The following MEGF10 variants were observed in gnomAD, a reference collection of about 807,000 sequenced individuals.
MEGF10 encodes the protein multiple EGF like domains 10, also known as multiple epidermal growth factor-like domains protein 10.
In MEGF10, 86 loss-of-function variants were observed where a neutral mutation model predicts 147.5. That is an observed-to-expected ratio of 0.58 (90% confidence interval 0.49 to 0.70). The LOEUF (loss-of-function observed/expected upper bound fraction) is 0.70. MEGF10 is among the 30% of genes least tolerant of loss of function. MEGF10 has a pLI of 0.00. For missense variants in MEGF10, 1,329 were observed against 1,487.3 expected (o/e 0.89, Z 1.75); for synonymous variants, 478 against 525.5 (o/e 0.91, Z 1.24).
chr5:127,363,575 T>C (rs918530401), intron 4 of MEGF10, among the ~76,000 whole-genome samples: 1 of 152,178 alleles, frequency 6.6e-6, no homozygotes, highest in East Asian at 1.9e-4. Context: ...GGACAATAAA[T>C]GTAGTTTATT....
At chr5:127,443,535 A>G (rs1765834410) in intron 19 of MEGF10, among the ~76,000 whole-genome samples, 1 of 152,186 alleles carries the variant, frequency 6.6e-6, no homozygotes. Flanking sequence ...CTATGAAACC[A>G]TCACCATAAT....
intron 24 of MEGF10, 116 bp downstream of exon 24, chr5:127,455,723 G>GTATTTTATTTTATATTATTTTATTT (rs1766339896): frequency 1.7e-5 from 13 of 767,890 alleles, no homozygotes; most frequent in Admixed American, 9.6e-5. Flanking sequence ...ATAATGGTCC[G>GTATTTTATTTTATATTATTTTATTT]TATTTTATTT....
At chr5:127,362,520 C>A (rs1253000511) in intron 4 of MEGF10, among the ~76,000 whole-genome samples, 2 of 151,874 alleles carry the variant, frequency 1.3e-5, no homozygotes, top group Non-Finnish European at 2.9e-5. Context: ...CCTGCCACCA[C>A]GCCCGGCTAA....
At chr5:127,299,252 A>G (rs966035699) in intron 1 of MEGF10, among the ~76,000 whole-genome samples, 2 of 152,230 alleles carry the variant, frequency 1.3e-5, no homozygotes, top group African/African-American at 4.8e-5. Context: ...ACTTCAGAGA[A>G]CAATTCTGTG....
intron 9 of MEGF10, among the ~76,000 whole-genome samples, chr5:127,416,588 C>T (rs1479987095): frequency 6.6e-6 from 1 of 152,130 alleles, no homozygotes; most frequent in Non-Finnish European, 1.5e-5. Flanking sequence ...CCTGTGAACA[C>T]TAAGGTGCAG....
intron 11 of MEGF10, 74 bp downstream of exon 11, chr5:127,419,314 T>A: frequency 6.5e-7 from 1 of 1,526,922 alleles, no homozygotes. Context: ...AAGAAAAACC[T>A]TAACCAGGGT....
Position 127,306,465 on chromosome 5 carries a change from A to G in MEGF10, c.-19+15409A>G, listed in dbSNP as rs57403012. On this transcript the variant is annotated intron_variant, in intron 1 of 24. Transcript: ENST00000503335. Reference sequence around the variant, plus strand: ...TCTGTGTCTAGGATTTGGATCCAGCATAAGTAAAACTCCAGGTAGAGCAAA... The same window carrying G: ...TCTGTGTCTAGGATTTGGATCCAGCGTAAGTAAAACTCCAGGTAGAGCAAA... Among the ~76,000 whole-genome samples the G allele has an allele frequency of 7.8e-3, 1,193 of 152,320 alleles. 19 individuals are homozygous for G. The highest frequency in any genetic ancestry group is 0.026 in the African/African-American group (1,060 of 41,566).
At chr5:127,274,765 A>C in the MEGF10 span, among the ~76,000 whole-genome samples, 1 of 152,072 alleles carries the variant, frequency 6.6e-6, no homozygotes, top group Non-Finnish European at 1.5e-5. Flanking sequence ...TATCTCTCTG[A>C]AATTTGTTTT....
intron 4 of MEGF10, among the ~76,000 whole-genome samples, chr5:127,350,861 C>T (rs1762059736): frequency 6.6e-6 from 1 of 152,046 alleles, no homozygotes; most frequent in Non-Finnish European, 1.5e-5. Flanking sequence ...TATTTTGACA[C>T]AGGCATACAA....
chr5:127,329,538 ATTTG>A (rs1476362847), intron 1 of MEGF10, among the ~76,000 whole-genome samples: 1 of 151,724 alleles, frequency 6.6e-6, no homozygotes, highest in Non-Finnish European at 1.5e-5. Flanking sequence ...ATTGTTGTTT[ATTTG>A]TTTATTTTAA....
the MEGF10 span, among the ~76,000 whole-genome samples, chr5:127,282,636 G>A: frequency 1.3e-5 from 2 of 152,154 alleles, no homozygotes; most frequent in African/African-American, 4.8e-5. Context: ...TACTTTTAAT[G>A]GCAAAACCTG....
chr5:127,436,123 T>C (rs1765546680), intron 16 of MEGF10, among the ~76,000 whole-genome samples: 1 of 152,234 alleles, frequency 6.6e-6, no homozygotes, highest in Non-Finnish European at 1.5e-5. Context: ...AAATAGCATA[T>C]GTATGGAGTA....
At chr5:127,438,881 G>T (rs562124834) in intron 17 of MEGF10, among the ~76,000 whole-genome samples, 9 of 152,296 alleles carry the variant, frequency 5.9e-5, no homozygotes, top group African/African-American at 1.4e-4. Flanking sequence ...CAGCACAAAA[G>T]TTAGGATAAG....
Position 127,400,959 on chromosome 5 carries a change from T to G in MEGF10, c.781-1587T>G, listed in dbSNP as rs116318877. On this transcript the variant is annotated intron_variant, in intron 7 of 24. Coordinates refer to ENST00000503335, the MANE Select transcript of MEGF10 (RefSeq NM_001256545.2). ...ATCCTAGGTGCTTTTCAAAGATGAA[T>G]ATATATTCCTATAGACACACATACC... 8.9e-3 allele frequency among the ~76,000 whole-genome samples: 1,353 copies of G among 152,336 alleles called. 8 individuals carry two copies. The highest frequency in any genetic ancestry group is 0.017 in the Middle Eastern group (5 of 294).
At position 127,399,252 on chromosome 5, in the gene MEGF10, C is replaced by G. The variant is rs146241880; in HGVS notation, c.780+456C>G. Among the ~76,000 whole-genome samples, 452 of 152,178 alleles carry G rather than the reference C, an allele frequency of 3.0e-3. 4 individuals are homozygous for G. Among genetic ancestry groups the G allele is most frequent in the African/African-American group, 0.011 (439 of 41,536 alleles). ...AATCTGGGGATACATTGAGGTAAACCACATTTACCAAGTATTGCAGGACTT... is the reference window on the plus strand; with the variant it reads ...AATCTGGGGATACATTGAGGTAAACGACATTTACCAAGTATTGCAGGACTT... On this transcript the variant is annotated intron_variant, in intron 7 of 24. Transcript: ENST00000503335.
chr5:127,443,178 G>A (rs763983808), intron 19 of MEGF10, 52 bp downstream of exon 19: 6 of 1,517,588 alleles, frequency 4.0e-6, no homozygotes, highest in Admixed American at 2.0e-5. Context: ...TGAACACCAT[G>A]TACCAGGCAA....
At chr5:127,253,079 A>C in the MEGF10 span, among the ~76,000 whole-genome samples, 1 of 152,002 alleles carries the variant, frequency 6.6e-6, no homozygotes, top group African/African-American at 2.4e-5. Flanking sequence ...ATAACGAAGT[A>C]CTGTTTCTTC....
intron 13 of MEGF10, chr5:127,424,395 G>T (rs1205404521): frequency 1.2e-6 from 1 of 817,906 alleles, no homozygotes; most frequent in African/African-American, 1.7e-5. Context: ...ACATCAATAT[G>T]TTAATTTCCA....
rs1004179002 is a variant in MEGF10 at position 127,460,050 on chromosome 5, T to C, written c.*2732T>C. ...CATTGATGTCACTCTTCATACCAAG[T>C]GAATCTATTCTCATGAACTTTGAAC... is the stretch of plus-strand genomic sequence containing the variant. On this transcript the variant is annotated 3_prime_UTR_variant, in exon 25 of 25. Coordinates refer to ENST00000503335, the MANE Select transcript of MEGF10 (RefSeq NM_001256545.2). 10 of 152,184 alleles carry C rather than the reference T, an allele frequency of 6.6e-5. No homozygotes were observed. Among genetic ancestry groups the C allele is most frequent in the Non-Finnish European group, 1.5e-4 (10 of 68,018 alleles). The allele number at this position is 152,184 out of a possible 1,614,324, so 9.4% of individuals were successfully genotyped here.
Sources: allele counts gnomAD v4.1 joint callset (sites outside exome capture counted in the v4.1 genomes callset), GRCh38; gene constraint gnomAD v4.1.1; transcripts MANE v1.5; gene names NCBI Gene and HGNC (gene_info 2026-07-23, HGNC 2026-07-21).